TRPC4: variants seen among roughly 807,000 people sequenced by gnomAD.
The protein encoded by TRPC4 is short transient receptor potential channel 4.
A neutral mutation model predicts 99.4 loss-of-function variants in TRPC4; 49 were observed. The observed-to-expected ratio is 0.49, with a 90% CI of 0.39 to 0.63. TRPC4 has a LOEUF of 0.63. Among genes scored for constraint, TRPC4 ranks in the 20% least tolerant of loss-of-function variants. TRPC4 has a pLI of 0.00. For synonymous variants in TRPC4, 454 were observed against 425.9 expected, an observed-to-expected ratio of 1.07 and a Z score of -0.81; for missense variants, 898 against 1,152.9, an observed-to-expected ratio of 0.78 and a Z score of 3.20.
Position 37,868,661 on chromosome 13 carries a change from G to A in TRPC4, c.-28+934C>T, listed in dbSNP as rs559117673. 9.3e-5 allele frequency among the ~76,000 whole-genome samples: 14 copies of A among 150,982 alleles called. No individual in the cohort carries two copies. The South Asian group carries it at 2.5e-3, about 27-fold the overall frequency. ...TTTTTTTTTTAATAAAACAACTAAA[G>A]CTTCCTTCTGTCTCTTCCTACTCCT... On this transcript the variant is annotated intron_variant, in intron 1 of 10. Coordinates refer to ENST00000379705, the MANE Select transcript of TRPC4 (RefSeq NM_016179.4).
chr13:37,736,520 G>T (rs552949428), intron 3 of TRPC4, among the ~76,000 whole-genome samples: 1 of 151,970 alleles, frequency 6.6e-6, no homozygotes, highest in Admixed American at 6.6e-5. Context: ...CATAACCAAC[G>T]CCTAAAATAT....
At chr13:37,853,675 A>C (rs1364974795) in intron 1 of TRPC4, among the ~76,000 whole-genome samples, 1 of 152,170 alleles carries the variant, frequency 6.6e-6, no homozygotes, top group Non-Finnish European at 1.5e-5. Flanking sequence ...AAGAAATTGC[A>C]GATAACACAG....
chr13:37,680,681 G>C (rs1953207193), intron 4 of TRPC4, among the ~76,000 whole-genome samples: 1 of 152,152 alleles, frequency 6.6e-6, no homozygotes, highest in South Asian at 2.1e-4. Flanking sequence ...CTTGCCAAAT[G>C]TAAGGAAGAA....
intron 4 of TRPC4, among the ~76,000 whole-genome samples, chr13:37,687,752 C>A (rs1953536797): frequency 6.6e-6 from 1 of 152,172 alleles, no homozygotes; most frequent in African/African-American, 2.4e-5. Flanking sequence ...ATCTTCTAGC[C>A]TCGAGCTCTT....
rs902910537 is a variant in TRPC4 at position 37,786,344 on chromosome 13, A to AAG, written c.-27-2986_-27-2985dup. 5.0e-4 allele frequency among the ~76,000 whole-genome samples: 75 copies of AAG among 148,544 alleles called. 1 individual carries two copies. The highest frequency in any genetic ancestry group is 1.7e-3 in the African/African-American group (71 of 40,762). Reference sequence around the variant, plus strand: ...CACACACACACACACGTAGAGAAGAAAGAGAGAGAGAGAGAACAACTTTGA... The same window carrying AAG: ...CACACACACACACACGTAGAGAAGAAAGAGAGAGAGAGAGAGAACAACTTTGA... On this transcript the variant is annotated intron_variant, in intron 1 of 10. Transcript: ENST00000379705.
At chr13:37,659,919 C>A (rs2138668722) in intron 6 of TRPC4, among the ~76,000 whole-genome samples, 1 of 152,252 alleles carries the variant, frequency 6.6e-6, no homozygotes, top group Non-Finnish European at 1.5e-5. Flanking sequence ...TAGAGAGACT[C>A]TGATAAATTC....
In TRPC4 at chr13:37,635,000, T is replaced by C. The variant is rs145246451; in HGVS notation, c.*1903A>G. Among the ~76,000 whole-genome samples the C allele has an allele frequency of 1.1e-4, 17 of 152,214 alleles. No homozygotes were observed. The East Asian group carries it at 3.1e-3, about 28-fold the overall frequency. Reference sequence around the variant, plus strand: ...CCTGGCTTTTCTGAAAATTAAAATCTAGTATTTCAAATTGAGTTCTGAGAT... The same window carrying C: ...CCTGGCTTTTCTGAAAATTAAAATCCAGTATTTCAAATTGAGTTCTGAGAT... On this transcript the variant is annotated 3_prime_UTR_variant, in exon 11 of 11. Transcript: ENST00000379705.
intron 1 of TRPC4, among the ~76,000 whole-genome samples, chr13:37,855,556 T>C (rs1959166295): frequency 6.6e-6 from 1 of 151,676 alleles, no homozygotes; most frequent in Admixed American, 6.6e-5. Flanking sequence ...TATAGAACAT[T>C]TTACCCAAAA....
At chr13:37,822,368 G>T (rs1179350621) in intron 1 of TRPC4, among the ~76,000 whole-genome samples, 1 of 151,858 alleles carries the variant, frequency 6.6e-6, no homozygotes, top group African/African-American at 2.4e-5. Context: ...CTGGTGCGCT[G>T]CACCCACTAA....
intron 2 of TRPC4, among the ~76,000 whole-genome samples, chr13:37,746,856 G>T (rs1955801252): frequency 6.6e-6 from 1 of 152,170 alleles, no homozygotes; most frequent in Non-Finnish European, 1.5e-5. Context: ...CTAATGATTT[G>T]TTTTAAACCC....
At chr13:37,736,520 G>A (rs552949428) in intron 3 of TRPC4, among the ~76,000 whole-genome samples, 2 of 152,088 alleles carry the variant, frequency 1.3e-5, no homozygotes, top group East Asian at 1.9e-4. Flanking sequence ...CATAACCAAC[G>A]CCTAAAATAT....
intron 3 of TRPC4, among the ~76,000 whole-genome samples, chr13:37,710,479 G>GA (rs946185916): frequency 1.3e-5 from 2 of 151,844 alleles, no homozygotes; most frequent in Non-Finnish European, 1.5e-5. Flanking sequence ...ACACCACACA[G>GA]AAAAAGTACT....
At chr13:37,655,761 G>T (rs1432773822) in intron 6 of TRPC4, among the ~76,000 whole-genome samples, 1 of 152,094 alleles carries the variant, frequency 6.6e-6, no homozygotes, top group East Asian at 1.9e-4. Flanking sequence ...GCAGAAGAAA[G>T]TAGTTATAGC....
chr13:37,818,961 A>G (rs1283485565), intron 1 of TRPC4, among the ~76,000 whole-genome samples: 1 of 152,024 alleles, frequency 6.6e-6, no homozygotes, highest in Non-Finnish European at 1.5e-5. Context: ...TAAAAAAAAT[A>G]CATGTGGCCA....
At chr13:37,801,883 T>C (rs987227499) in intron 1 of TRPC4, among the ~76,000 whole-genome samples, 1 of 152,102 alleles carries the variant, frequency 6.6e-6, no homozygotes, top group African/African-American at 2.4e-5. Flanking sequence ...AAGGTCATTT[T>C]TGGAAGAGAG....
chr13:37,815,024 T>C (rs1957808583), intron 1 of TRPC4, among the ~76,000 whole-genome samples: 2 of 151,786 alleles, frequency 1.3e-5, no homozygotes, highest in African/African-American at 4.8e-5. Context: ...AATAAACCCT[T>C]ATGCTTATGA....
chr13:37,662,264 C>G (rs1009022341), intron 6 of TRPC4, among the ~76,000 whole-genome samples: 2 of 151,992 alleles, frequency 1.3e-5, no homozygotes, highest in Admixed American at 1.3e-4. Context: ...GAGCCAAGAT[C>G]ACACCACTGC....
rs114976341 is a variant in TRPC4, at chr13:37,733,639, T to C, written c.897+12298A>G. Among the ~76,000 whole-genome samples the C allele has an allele frequency of 8.8e-3, 1,336 of 152,228 alleles. 22 individuals carry two copies. The highest frequency in any genetic ancestry group is 0.03 in the African/African-American group (1,237 of 41,540). On this transcript the variant is annotated intron_variant, in intron 3 of 10. Transcript: ENST00000379705. ...TCACAGCATTTTATAACAACTAGGT[T>C]CCTTGGTATTGACGATCCTAGGTCT...
chr13:37,817,454 G>T (rs1443916776), intron 1 of TRPC4, among the ~76,000 whole-genome samples: 1 of 151,950 alleles, frequency 6.6e-6, no homozygotes, highest in African/African-American at 2.4e-5. Flanking sequence ...ATTGCCCAAA[G>T]CAAGTTATAG....
Sources: allele counts gnomAD v4.1 joint callset (sites outside exome capture counted in the v4.1 genomes callset), GRCh38; gene constraint gnomAD v4.1.1; transcripts MANE v1.5; gene names NCBI Gene and HGNC (gene_info 2026-07-23, HGNC 2026-07-21).